The following KANK1 variants were observed in gnomAD, a reference collection of about 807,000 sequenced individuals.
The protein encoded by KANK1 is KN motif and ankyrin repeat domain-containing protein 1.
KANK1 carries 109 observed loss-of-function variants against 106.2 expected under a neutral mutation model. The observed-to-expected ratio is 1.03, with a 90% CI of 0.88 to 1.20. The LOEUF is 1.20. Among genes scored for constraint, KANK1 ranks in the 50% most tolerant of loss-of-function variants. KANK1 has a pLI of 0.00. For synonymous variants in KANK1, 873 were observed against 652.2 expected (o/e 1.34, Z -5.16); for missense variants, 2,399 against 1,710.7 (o/e 1.40, Z -7.10).
intron 1 of KANK1, among the ~76,000 whole-genome samples, chr9:617,878 T>C (rs1832218438): frequency 6.6e-6 from 1 of 152,214 alleles, no homozygotes; most frequent in Non-Finnish European, 1.5e-5. Flanking sequence ...CACGTATTTA[T>C]AGAATGGAAT....
intron 1 of KANK1, among the ~76,000 whole-genome samples, chr9:648,778 A>G (rs548326045): frequency 2.7e-4 from 41 of 152,256 alleles, no homozygotes; most frequent in African/African-American, 7.7e-4. Context: ...GCATGTGAAA[A>G]CACTGTAAAA....
upstream of KANK1, among the ~76,000 whole-genome samples, chr9:500,238 G>A (rs567458755): frequency 3.3e-5 from 5 of 152,294 alleles, no homozygotes; most frequent in Non-Finnish European, 5.9e-5. Flanking sequence ...TAACCTACAC[G>A]TGTCAAACAT....
intron 1 of KANK1, among the ~76,000 whole-genome samples, chr9:514,201 TCCC>T (rs2059173527): frequency 2.4e-5 from 2 of 82,466 alleles, no homozygotes; most frequent in African/African-American, 1.0e-4. Context: ...CCTTCCTCCC[TCCC>T]TCTCTCCCTC....
intron 3 of KANK1, among the ~76,000 whole-genome samples, chr9:490,174 G>A (rs1188578448): frequency 6.6e-6 from 1 of 152,136 alleles, no homozygotes; most frequent in Non-Finnish European, 1.5e-5. Context: ...AGTTTTAGTT[G>A]TTTCTAGACA....
intron 1 of KANK1, among the ~76,000 whole-genome samples, chr9:621,883 A>G (rs762741995): frequency 2.0e-5 from 3 of 152,118 alleles, no homozygotes; most frequent in East Asian, 1.9e-4. Context: ...CAGATGGGAG[A>G]TGAAATCCAA....
chr9:473,909 A>T (rs2058062141), intron 3 of KANK1, among the ~76,000 whole-genome samples: 1 of 152,172 alleles, frequency 6.6e-6, no homozygotes, highest in African/African-American at 2.4e-5. Flanking sequence ...CATGTTGGCC[A>T]GGATGGTCTC....
intron 2 of KANK1, among the ~76,000 whole-genome samples, chr9:709,550 C>G (rs1165341522): frequency 6.6e-6 from 1 of 150,760 alleles, no homozygotes; most frequent in East Asian, 1.9e-4. Flanking sequence ...TGTCTGCTGT[C>G]TATATTCCAA....
intron 1 of KANK1, among the ~76,000 whole-genome samples, chr9:543,406 A>G (rs772183672): frequency 4.6e-5 from 7 of 151,954 alleles, no homozygotes; most frequent in Non-Finnish European, 8.8e-5. Flanking sequence ...AACTACAAAA[A>G]AAAATAGCTG....
At chr9:707,199 G>A (rs1824526486) in intron 2 of KANK1, 7 of 986,004 alleles carry the variant, frequency 7.1e-6, no homozygotes, top group Non-Finnish European at 8.4e-6. Context: ...GCTGGAGCGA[G>A]CTGTGCGGGG....
intron 1 of KANK1, among the ~76,000 whole-genome samples, chr9:660,478 T>A (rs1843047227): frequency 6.6e-6 from 1 of 152,174 alleles, no homozygotes; most frequent in African/African-American, 2.4e-5. Flanking sequence ...AATTCCTTCA[T>A]GCAGTAAACT....
At chr9:607,533 T>C (rs987657254) in intron 1 of KANK1, among the ~76,000 whole-genome samples, 10 of 147,660 alleles carry the variant, frequency 6.8e-5, no homozygotes, top group African/African-American at 2.5e-4. Flanking sequence ...TGTTAAACAC[T>C]GTTTCAGTTG....
In KANK1 at chr9:729,296, G is replaced by C. The variant is rs572914175; in HGVS notation, c.2699-755G>C. On this transcript the variant is annotated intron_variant, in intron 3 of 11. Transcript: ENST00000382297. The stretch of plus-strand genomic sequence containing the variant: ...CATCATACAAGTCATCTTGTACATT[G>C]TATCACAGATCCCCAGGAGAAGGTA... Among the ~76,000 whole-genome samples the C allele has an allele frequency of 2.0e-5, 3 of 152,266 alleles. No homozygotes were observed. In the East Asian group the frequency reaches 5.8e-4, roughly 29 times the overall value.
At position 583,647 on chromosome 9, in the gene KANK1, T is replaced by C. The variant is rs529772780; in HGVS notation, c.-84+78893T>C. Among the ~76,000 whole-genome samples the C allele has an allele frequency of 3.2e-4, 48 of 151,226 alleles. 1 individual carries two copies. The highest frequency in any genetic ancestry group is 3.5e-3 in the Middle Eastern group (1 of 284). On this transcript the variant is annotated intron_variant, in intron 1 of 11. Coordinates refer to ENST00000382297, the MANE Select transcript of KANK1 (RefSeq NM_015158.5). ...AAAAGTTTCAATAAATATACTGTTT[T>C]CTCTCCATTATCAAGGATATATGGA...
At chr9:672,755 T>G (rs911209014) in intron 1 of KANK1, among the ~76,000 whole-genome samples, 1 of 152,242 alleles carries the variant, frequency 6.6e-6, no homozygotes, top group Non-Finnish European at 1.5e-5. Context: ...ATGCAATGTT[T>G]CCGTCATTCA....
chr9:623,130 C>T (rs1833542081), intron 1 of KANK1, among the ~76,000 whole-genome samples: 1 of 151,892 alleles, frequency 6.6e-6, no homozygotes, highest in Non-Finnish European at 1.5e-5. Flanking sequence ...AACATACAGG[C>T]TGGGAGAGAA....
chr9:712,268 T>C lies in KANK1; in HGVS notation c.1502T>C (p.Val501Ala), dbSNP rs1275245119. Reference sequence around the variant, plus strand: ...CAGGCTGCTGGATCGAGGAAAAAGGTTGACAAAGCCACGATGGCCCAGCCG... The same window carrying C: ...CAGGCTGCTGGATCGAGGAAAAAGGCTGACAAAGCCACGATGGCCCAGCCG... ...ELQAAGSRKK[V>A]DKATMAQPLV... Residue 501 changes from valine (V) to alanine (A), a missense_variant, in exon 3 of 12, where the codon GTT becomes GCT. Coordinates refer to ENST00000382297, the MANE Select transcript of KANK1 (RefSeq NM_015158.5). 1 of 1,613,870 alleles carries C rather than the reference T, an allele frequency of 6.2e-7. No individual in the cohort carries two copies. Among genetic ancestry groups the C allele is most frequent in the African/African-American group, 1.3e-5 (1 of 74,870 alleles).
intron 1 of KANK1, among the ~76,000 whole-genome samples, chr9:531,244 G>C (rs1229831179): frequency 6.6e-6 from 1 of 152,146 alleles, no homozygotes; most frequent in East Asian, 1.9e-4. Flanking sequence ...TTTGAGACCA[G>C]CCTGGGCAAC....
At chr9:522,226 AATTT>A (rs1444742753) in intron 1 of KANK1, among the ~76,000 whole-genome samples, 2 of 151,740 alleles carry the variant, frequency 1.3e-5, no homozygotes, top group African/African-American at 4.9e-5. Flanking sequence ...CCTTTTGCTG[AATTT>A]ATTTATTTTT....
chr9:548,058 T>A (rs1435376483), intron 1 of KANK1, among the ~76,000 whole-genome samples: 1 of 152,226 alleles, frequency 6.6e-6, no homozygotes, highest in Non-Finnish European at 1.5e-5. Flanking sequence ...GCATATGGTT[T>A]TCTATAGTTA....
Sources: allele counts gnomAD v4.1 joint callset (sites outside exome capture counted in the v4.1 genomes callset), GRCh38; gene constraint gnomAD v4.1.1; transcripts MANE v1.5; gene names NCBI Gene and HGNC (gene_info 2026-07-23, HGNC 2026-07-21).